The following CDC14A variants were observed in gnomAD, a reference collection of about 807,000 sequenced individuals.
The protein encoded by CDC14A is cell division cycle 14A.
A neutral mutation model predicts 74.4 loss-of-function variants in CDC14A; 53 were observed. That is an observed-to-expected ratio of 0.71 (90% CI 0.57 to 0.89). CDC14A has a LOEUF of 0.89. Among genes scored for constraint, CDC14A ranks in the 40% least tolerant of loss-of-function variants. The pLI is 0.00. For synonymous variants in CDC14A, 247 were observed against 258.4 expected, an observed-to-expected ratio of 0.96 and a Z score of 0.43; for missense variants, 646 against 713.7, an observed-to-expected ratio of 0.91 and a Z score of 1.08.
chr1:100,416,444 T>C (rs561579691), intron 4 of CDC14A, among the ~76,000 whole-genome samples: 5 of 152,370 alleles, frequency 3.3e-5, no homozygotes, highest in Non-Finnish European at 5.9e-5. Context: ...ATTTATTTTA[T>C]GGATGTTGAT....
rs747416436 is a variant in CDC14A, at chr1:100,455,395, A to AT, written c.520-8dup. On this transcript the variant is annotated splice_polypyrimidine_tract_variant and intron_variant, in intron 7 of 15. Transcript: ENST00000336454. Reference sequence around the variant, plus strand: ...TATTTTTCTTCTCTTTTCTTACAAAATTCTGCCAGCGAGTTGAAAATGGTG... The same window carrying AT: ...TATTTTTCTTCTCTTTTCTTACAAAATTTCTGCCAGCGAGTTGAAAATGGTG... The AT allele has an allele frequency of 5.1e-6, 8 of 1,577,956 alleles. No homozygotes were observed. The African/African-American group carries it at 1.1e-4, about 21-fold the overall frequency.
chr1:100,485,043 A>G (rs1267054115), intron 11 of CDC14A: 2 of 985,296 alleles, frequency 2.0e-6, no homozygotes, highest in Non-Finnish European at 2.4e-6. Flanking sequence ...ACATGGTTCA[A>G]TCCATGTCTG....
At chr1:100,420,031 TACACACAC>T (rs368385925) in intron 4 of CDC14A, among the ~76,000 whole-genome samples, 5 of 82,902 alleles carry the variant, frequency 6.0e-5, no homozygotes, top group East Asian at 3.5e-4. Context: ...TATACATATA[TACACACAC>T]ACACACACAC....
At position 100,455,601 on chromosome 1, in the gene CDC14A, T is replaced by A. The variant is rs895077081; in HGVS notation, c.607+109T>A. 1.7e-5 allele frequency: 12 copies of A among 696,464 alleles called. No individual in the cohort carries two copies. The Middle Eastern group carries it at 1.2e-3, about 69-fold the overall frequency. The allele number at this position is 696,464 out of a possible 1,614,324, so 43.1% of individuals were successfully genotyped here. ...CTTTGGTAATATTCTCCAAAGAATA[T>A]TTATTCATAATTTAAAAAATTGAAC... On this transcript the variant is annotated intron_variant, in intron 8 of 15. Transcript: ENST00000336454.
chr1:100,411,181 A>G (rs917660426), intron 4 of CDC14A, among the ~76,000 whole-genome samples: 2 of 152,156 alleles, frequency 1.3e-5, no homozygotes, highest in African/African-American at 4.8e-5. Context: ...AGAGCCTCCT[A>G]TATTATTGGC....
chr1:100,384,543 G>A (rs1157265154), intron 3 of CDC14A, among the ~76,000 whole-genome samples: 1 of 152,098 alleles, frequency 6.6e-6, no homozygotes, highest in Non-Finnish European at 1.5e-5. Context: ...TAGAGAGTGG[G>A]TTTCTTCTCC....
chr1:100,436,421 A>AT (rs1168207537), intron 5 of CDC14A, among the ~76,000 whole-genome samples: 237 of 144,310 alleles, frequency 1.6e-3, no homozygotes, highest in South Asian at 3.1e-3. Flanking sequence ...GTTGGTTATC[A>AT]TTTTTTTTTT....
At chr1:100,493,220 G>A (rs1397248179) in intron 11 of CDC14A, among the ~76,000 whole-genome samples, 1 of 152,200 alleles carries the variant, frequency 6.6e-6, no homozygotes, top group Non-Finnish European at 1.5e-5. Context: ...AAAGCACCCA[G>A]TTGACAATGA....
At chr1:100,345,165 T>G in exon 1 of CDC14A, 1 of 152,166 alleles carries the variant, frequency 6.6e-6, no homozygotes, top group South Asian at 2.1e-4. Context: ...TGTCTTCAGT[T>G]GATAAAAAGG....
chr1:100,404,014 T>C (rs1659601931), intron 4 of CDC14A, among the ~76,000 whole-genome samples: 1 of 152,210 alleles, frequency 6.6e-6, no homozygotes, highest in Non-Finnish European at 1.5e-5. Flanking sequence ...TGTTTTCTAT[T>C]TGATAGAGTG....
chr1:100,363,682 T>C (rs970686146), intron 2 of CDC14A, among the ~76,000 whole-genome samples: 8 of 152,090 alleles, frequency 5.3e-5, no homozygotes, highest in Admixed American at 2.0e-4. Context: ...TCAAATTTGG[T>C]CCCCATGATT....
chr1:100,491,601 A>G (rs2101402431), intron 11 of CDC14A, among the ~76,000 whole-genome samples: 1 of 70,442 alleles, frequency 1.4e-5, no homozygotes, highest in East Asian at 3.7e-4. Flanking sequence ...TTTTTGAGAC[A>G]GTCTCTATGG....
intron 2 of CDC14A, among the ~76,000 whole-genome samples, chr1:100,369,831 T>A (rs1030228066): frequency 2.2e-4 from 28 of 125,320 alleles, no homozygotes; most frequent in African/African-American, 1.0e-3. Flanking sequence ...TTCTAAAAAT[T>A]TTTTTTTTTT....
At chr1:100,427,774 T>C (rs1663127610) in intron 5 of CDC14A, among the ~76,000 whole-genome samples, 1 of 152,230 alleles carries the variant, frequency 6.6e-6, no homozygotes, top group Non-Finnish European at 1.5e-5. Context: ...TGGTACCTGC[T>C]GCAGGAGAGC....
intron 7 of CDC14A, among the ~76,000 whole-genome samples, chr1:100,453,886 C>A (rs1666393801): frequency 6.6e-6 from 1 of 152,240 alleles, no homozygotes; most frequent in African/African-American, 2.4e-5. Context: ...AGGTGATTCA[C>A]CTGCATTGGC....
chr1:100,501,865 T>A (rs777767415), intron 15 of CDC14A, among the ~76,000 whole-genome samples: 26 of 152,048 alleles, frequency 1.7e-4, no homozygotes, highest in Non-Finnish European at 3.4e-4. Context: ...TGTGTCTTCA[T>A]TTTAAACAAA....
intron 5 of CDC14A, among the ~76,000 whole-genome samples, chr1:100,433,403 G>A (rs957395020): frequency 6.6e-6 from 1 of 152,172 alleles, no homozygotes; most frequent in Admixed American, 6.5e-5. Flanking sequence ...GTGAAGAGGG[G>A]ATTCAGTTCA....
At chr1:100,419,679 TA>T (rs1662013909) in intron 4 of CDC14A, among the ~76,000 whole-genome samples, 1 of 152,162 alleles carries the variant, frequency 6.6e-6, no homozygotes. Context: ...CCACATTTGG[TA>T]AATCATAGTG....
chr1:100,392,465 T>G (rs1657857387), intron 4 of CDC14A, among the ~76,000 whole-genome samples: 1 of 152,208 alleles, frequency 6.6e-6, no homozygotes. Flanking sequence ...TTCTTTTTTT[T>G]TTTTGTGAGG....
Sources: gnomAD v4.1 joint callset for allele counts (sites outside exome capture counted in the v4.1 genomes callset) on GRCh38, gnomAD v4.1.1 for gene constraint, MANE v1.5 for transcripts, NCBI Gene and HGNC (gene_info 2026-07-23, HGNC 2026-07-21) for gene names.